AKAIN1: variants seen among roughly 807,000 people sequenced by gnomAD.
The protein encoded by AKAIN1 is A-kinase anchor inhibitor 1.
AKAIN1 carries 3 observed loss-of-function variants against 3.7 expected under a neutral mutation model. That is an observed-to-expected ratio of 0.82 (90% CI 0.37 to 2.12). AKAIN1 has a LOEUF of 2.12. Among genes scored for constraint, AKAIN1 ranks in the 30% most tolerant of loss-of-function variants. The probability of loss-of-function intolerance (pLI) is 0.06; values close to 1 mark genes in which losing one functional copy is unlikely to be tolerated. For synonymous variants in AKAIN1, 31 were observed against 30.8 expected (o/e 1.01, Z -0.02); for missense variants, 82 against 82.7 (o/e 0.99, Z 0.03).
chr18:5,179,427 A>ATG (rs1181752111), intron 1 of AKAIN1, among the ~76,000 whole-genome samples: 1 of 150,798 alleles, frequency 6.6e-6, no homozygotes, highest in African/African-American at 2.4e-5. Flanking sequence ...ATGTGTGTAT[A>ATG]TATATATATA....
chr18:5,164,267 C>G (rs1247948751), intron 1 of AKAIN1, among the ~76,000 whole-genome samples: 1 of 151,992 alleles, frequency 6.6e-6, no homozygotes, highest in Non-Finnish European at 1.5e-5. Context: ...ACAGGTTAGT[C>G]CCTTCACTTA....
chr18:5,145,823 T>C, intron 1 of AKAIN1, 68 bp from the exon 2 acceptor site: 1 of 1,365,568 alleles, frequency 7.3e-7, no homozygotes, highest in Non-Finnish European at 1.0e-6. Context: ...GAGGGAAAGG[T>C]AGAGGAGAAA....
chr18:5,144,656 C>A lies in AKAIN1; in HGVS notation c.*906G>T, dbSNP rs1033180278. On this transcript the variant is annotated 3_prime_UTR_variant, in exon 2 of 2. Transcript: ENST00000434239. ...GTAAGGTCCTAATGCAAATGCATAG[C>A]CTAGTGGCAAAACAGCATTCGTTAA... 2.0e-5 allele frequency among the ~76,000 whole-genome samples: 3 copies of A among 152,152 alleles called. No individual in the cohort carries two copies. The highest frequency in any genetic ancestry group is 7.2e-5 in the African/African-American group (3 of 41,418).
intron 1 of AKAIN1, among the ~76,000 whole-genome samples, 158 bp from the exon 2 acceptor site, chr18:5,145,913 A>G (rs973097563): frequency 6.6e-6 from 1 of 152,160 alleles, no homozygotes; most frequent in Non-Finnish European, 1.5e-5. Flanking sequence ...AGCACATACA[A>G]TTGGGGGATT....
intron 1 of AKAIN1, among the ~76,000 whole-genome samples, chr18:5,161,070 G>T (rs928168923): frequency 6.8e-6 from 1 of 147,274 alleles, no homozygotes; most frequent in Non-Finnish European, 1.5e-5. Flanking sequence ...AAAATATTAG[G>T]TTCAAAAACT....
Position 5,143,634 on chromosome 18 carries a change from C to T in AKAIN1, c.*1928G>A, listed in dbSNP as rs772918867. On this transcript the variant is annotated 3_prime_UTR_variant, in exon 2 of 2. Coordinates refer to ENST00000434239, the MANE Select transcript of AKAIN1 (RefSeq NM_001145194.2). ...TGGTTCCAAATAATGGTAAGATCCA[C>T]GTACAAAATGAGCCAAACGGCAGAG... Among the ~76,000 whole-genome samples, 21 of 152,118 alleles carry T rather than the reference C, an allele frequency of 1.4e-4. No homozygotes were observed. Among genetic ancestry groups the T allele is most frequent in the Non-Finnish European group, 2.8e-4 (19 of 68,020 alleles).
At chr18:5,197,630 T>C (rs2071357677), upstream of AKAIN1, 2 of 431,408 alleles carry the variant, frequency 4.6e-6, no homozygotes, top group Admixed American at 8.9e-5. This position sits in a 1 kb window ranked among gnomAD's most constrained non-coding sequence, Gnocchi z 6.9. Flanking sequence ...GTGAGTCCTC[T>C]CTCGCGAGTC....
chr18:5,155,279 C>G (rs1484218990), intron 1 of AKAIN1, among the ~76,000 whole-genome samples: 1 of 152,178 alleles, frequency 6.6e-6, no homozygotes, highest in Non-Finnish European at 1.5e-5. Context: ...TGTGCTTCAT[C>G]TTTTGATGTC....
Position 5,145,719 on chromosome 18 carries a change from A to T in AKAIN1, c.53T>A (p.Leu18Gln), listed in dbSNP as rs1214058838. 1 of 1,551,484 alleles carries T rather than the reference A, an allele frequency of 6.4e-7. No homozygotes were observed. Among genetic ancestry groups the T allele is most frequent in the East Asian group, 2.4e-5 (1 of 40,938 alleles). Residue 18 changes from leucine to glutamine, a missense_variant, in exon 2 of 2, where the codon CTG becomes CAG. By Grantham distance (113) the Leu-to-Gln change is moderately radical. Coordinates refer to ENST00000434239, the MANE Select transcript of AKAIN1 (RefSeq NM_001145194.2). ...KPGNEPEEVK[L>Q]QNASKQIVQN... is the part of the protein sequence containing the mutation. The stretch of plus-strand genomic sequence containing the variant: ...CACAATCTGTTTGCTGGCATTCTGC[A>T]GCTTCACCTCTTCAGGCTCATTTCC...
rs1427856712 is a variant in AKAIN1 at position 5,143,329 on chromosome 18, C to A, written c.*2233G>T. 2.0e-5 allele frequency among the ~76,000 whole-genome samples: 3 copies of A among 152,212 alleles called. No individual in the cohort carries two copies. The highest frequency in any genetic ancestry group is 7.2e-5 in the African/African-American group (3 of 41,442). On this transcript the variant is annotated 3_prime_UTR_variant, in exon 2 of 2. Transcript: ENST00000434239. ...ACCTACCTATTGAGGACAGGCATTG[C>A]TGAACCTCCTTTTGTCCTCCCAACA...
rs1344094153 is a variant in AKAIN1 at position 5,143,512 on chromosome 18, A to G, written c.*2050T>C. 6.6e-6 allele frequency among the ~76,000 whole-genome samples: 1 copy of G among 152,172 alleles called. No individual in the cohort carries two copies. Among genetic ancestry groups the G allele is most frequent in the Non-Finnish European group, 1.5e-5 (1 of 68,030 alleles). On this transcript the variant is annotated 3_prime_UTR_variant, in exon 2 of 2. Coordinates refer to ENST00000434239, the MANE Select transcript of AKAIN1 (RefSeq NM_001145194.2). The stretch of plus-strand genomic sequence containing the variant: ...TTCAAGCCTCAGGACCCACCATCCC[A>G]TGGCTGTCCTCACACAGTCACAGTG...
intron 1 of AKAIN1, among the ~76,000 whole-genome samples, chr18:5,194,749 T>A (rs1729984552): frequency 6.6e-6 from 1 of 152,248 alleles, no homozygotes; most frequent in Non-Finnish European, 1.5e-5. Context: ...AATTTATTGT[T>A]ATATTCATCT....
chr18:5,165,393 C>T (rs2071162269), intron 1 of AKAIN1, among the ~76,000 whole-genome samples: 1 of 151,938 alleles, frequency 6.6e-6, no homozygotes, highest in Non-Finnish European at 1.5e-5. Flanking sequence ...TAAGAAAGAA[C>T]AGCAATGGCA....
At chr18:5,161,916 T>C (rs1049330609) in intron 1 of AKAIN1, among the ~76,000 whole-genome samples, 1 of 152,148 alleles carries the variant, frequency 6.6e-6, no homozygotes. Flanking sequence ...GATTGCTGGA[T>C]TTGTTTGCTA....
At chr18:5,162,482 A>G (rs2071144994) in intron 1 of AKAIN1, among the ~76,000 whole-genome samples, 1 of 152,146 alleles carries the variant, frequency 6.6e-6, no homozygotes, top group Admixed American at 6.6e-5. Context: ...CCAAAGGCAC[A>G]GAATATCTGG....
At chr18:5,149,176 C>T (rs1361119988) in intron 1 of AKAIN1, among the ~76,000 whole-genome samples, 2 of 152,164 alleles carry the variant, frequency 1.3e-5, no homozygotes, top group Non-Finnish European at 2.9e-5. Flanking sequence ...TTTTGGATCA[C>T]ACATACCTGC....
intron 1 of AKAIN1, among the ~76,000 whole-genome samples, chr18:5,152,344 C>G (rs917073957): frequency 1.3e-5 from 2 of 152,184 alleles, no homozygotes; most frequent in Non-Finnish European, 2.9e-5. Flanking sequence ...CACAGAGGAA[C>G]AGGATCGGTA....
Position 5,143,786 on chromosome 18 carries a change from A to G in AKAIN1, c.*1776T>C, listed in dbSNP as rs1489508337. On this transcript the variant is annotated 3_prime_UTR_variant, in exon 2 of 2. Coordinates refer to ENST00000434239, the MANE Select transcript of AKAIN1 (RefSeq NM_001145194.2). ...TTTTAGTACAGACACATCAGAGAGG[A>G]AAAATAGTATGTTTATATGTTTCTG... is the stretch of plus-strand genomic sequence containing the variant. 6.6e-6 allele frequency among the ~76,000 whole-genome samples: 1 copy of G among 152,232 alleles called. No homozygotes were observed. Among genetic ancestry groups the G allele is most frequent in the Non-Finnish European group, 1.5e-5 (1 of 68,040 alleles).
At chr18:5,178,084 C>T (rs1323655280) in intron 1 of AKAIN1, among the ~76,000 whole-genome samples, 2 of 152,020 alleles carry the variant, frequency 1.3e-5, no homozygotes, top group African/African-American at 4.8e-5. Context: ...TGGTGTTGCT[C>T]GGGGTGGCTG....
Sources: allele counts gnomAD v4.1 joint callset (sites outside exome capture counted in the v4.1 genomes callset), GRCh38; gene constraint gnomAD v4.1.1; non-coding constraint Gnocchi (gnomAD v3.1); transcripts MANE v1.5; gene names NCBI Gene and HGNC (gene_info 2026-07-23, HGNC 2026-07-21).